The following TBC1D32 variants were observed in gnomAD, a reference collection of about 807,000 sequenced individuals.
TBC1D32 encodes the protein TBC1 domain family member 32.
In TBC1D32, 151 loss-of-function variants were observed where a neutral mutation model predicts 170.3. That is an observed-to-expected ratio of 0.89 (90% CI 0.78 to 1.01). The LOEUF is 1.01. Among genes scored for constraint, TBC1D32 ranks in the 50% least tolerant of loss-of-function variants. TBC1D32 has a pLI of 0.00. For missense variants in TBC1D32, 1,464 were observed against 1,457.1 expected, an observed-to-expected ratio of 1.00 and a Z score of -0.08; for synonymous variants, 498 against 488.0, an observed-to-expected ratio of 1.02 and a Z score of -0.27.
At chr6:121,260,485 G>A (rs568126857) in intron 15 of TBC1D32, among the ~76,000 whole-genome samples, 175 of 152,154 alleles carry the variant, frequency 1.2e-3, no homozygotes, top group African/African-American at 4.0e-3. Context: ...CTGACTAGGC[G>A]GCTGGCATGA....
intron 17 of TBC1D32, among the ~76,000 whole-genome samples, chr6:121,248,510 T>C (rs950641018): frequency 6.6e-6 from 1 of 151,206 alleles, no homozygotes; most frequent in Non-Finnish European, 1.5e-5. Context: ...ATACAAAAGA[T>C]AAATGAAGGA....
chr6:121,276,122 A>T (rs1021988385), intron 15 of TBC1D32, among the ~76,000 whole-genome samples: 28 of 147,858 alleles, frequency 1.9e-4, no homozygotes, highest in African/African-American at 7.2e-4. Context: ...CTTGTCTCAA[A>T]AAAAAAAAAA....
chr6:121,192,565 G>A (rs947553236), intron 22 of TBC1D32: 1 of 152,202 alleles, frequency 6.6e-6, no homozygotes, highest in African/African-American at 2.4e-5. Context: ...AGATGAAACT[G>A]TAGAAAAACA....
At chr6:121,291,825 C>A (rs780677779) in intron 12 of TBC1D32, among the ~76,000 whole-genome samples, 14 of 151,566 alleles carry the variant, frequency 9.2e-5, no homozygotes, top group Non-Finnish European at 1.9e-4. Flanking sequence ...ATATCTGGAT[C>A]CCTAAAGGCT....
At chr6:121,236,130 GT>G (rs35408887) in intron 20 of TBC1D32, among the ~76,000 whole-genome samples, 64,750 of 139,954 alleles carry the variant, frequency 0.46, 15,952 homozygotes, top group Non-Finnish European at 0.59. Flanking sequence ...TTTTATTTTT[GT>G]TTTTTTTTTT....
chr6:121,262,939 G>C (rs988143825), intron 15 of TBC1D32, among the ~76,000 whole-genome samples: 2 of 151,990 alleles, frequency 1.3e-5, no homozygotes, highest in South Asian at 2.1e-4. Flanking sequence ...ACTAAATAGG[G>C]AGAGGAAAAA....
At chr6:121,100,616 T>C (rs1352576501) in intron 30 of TBC1D32, among the ~76,000 whole-genome samples, 1 of 152,032 alleles carries the variant, frequency 6.6e-6, no homozygotes, top group Non-Finnish European at 1.5e-5. Flanking sequence ...TAGCACTAAA[T>C]GCCCACAAGA....
rs370027510 is a variant in TBC1D32, at chr6:121,283,870, T to C, written c.1413A>G (p.Gln471=). The change falls in exon 13 of 32, where the codon CAA becomes CAG. Residue 471 remains glutamine (Q), a synonymous_variant. Transcript: ENST00000398212. ...GACAACTTGGTGAGTAATAGATAAG[T>C]TGGGTAAAAAGAACAAGCAGATCTA... ...SLIDLLVLFT[Q]LIYYSPSCPK... 1.5e-5 allele frequency: 24 copies of C among 1,611,272 alleles called. No homozygotes were observed. In the East Asian group the frequency reaches 4.7e-4, roughly 32 times the overall value.
intron 24 of TBC1D32, among the ~76,000 whole-genome samples, chr6:121,144,968 A>G (rs1432845671): frequency 1.3e-5 from 2 of 152,212 alleles, no homozygotes; most frequent in African/African-American, 2.4e-5. Context: ...GGCAGGTTTG[A>G]GTGATACTGC....
At chr6:121,099,330 T>C (rs1163688635) in intron 30 of TBC1D32, among the ~76,000 whole-genome samples, 1 of 151,970 alleles carries the variant, frequency 6.6e-6, no homozygotes, top group African/African-American at 2.4e-5. Context: ...AATTAGAATA[T>C]GTGATTTTCT....
At chr6:121,190,334 C>T (rs893867792) in intron 22 of TBC1D32, among the ~76,000 whole-genome samples, 8 of 148,862 alleles carry the variant, frequency 5.4e-5, no homozygotes, top group African/African-American at 2.0e-4. Context: ...CTCCTCCTCT[C>T]CCTGCCCCCC....
intron 29 of TBC1D32, among the ~76,000 whole-genome samples, chr6:121,110,529 A>C (rs2128195432): frequency 6.6e-6 from 1 of 152,180 alleles, no homozygotes; most frequent in Admixed American, 6.5e-5. Context: ...TGATTACAAT[A>C]ATGTGAGGCT....
Position 121,304,346 on chromosome 6 carries a change from A to G in TBC1D32, c.935+19T>C, listed in dbSNP as rs373539131. On this transcript the variant is annotated intron_variant, in intron 8 of 31. Transcript: ENST00000398212. ...ACACCGCTAGGTTTTATGCTGGCAT[A>G]CATTGGGAGGGGACTTACTTCTCTG... The G allele has an allele frequency of 3.9e-4, 626 of 1,611,770 alleles. 2 individuals are homozygous for G. Among genetic ancestry groups the G allele is most frequent in the Middle Eastern group, 8.3e-4 (5 of 6,056 alleles).
intron 22 of TBC1D32, among the ~76,000 whole-genome samples, chr6:121,176,720 T>G (rs1449481196): frequency 1.3e-5 from 2 of 151,934 alleles, no homozygotes; most frequent in Middle Eastern, 3.2e-3. Context: ...TGCCTCAGCC[T>G]CTGGAGTAGC....
intron 22 of TBC1D32, among the ~76,000 whole-genome samples, chr6:121,161,857 T>A (rs1252969028): frequency 6.6e-6 from 1 of 152,242 alleles, no homozygotes; most frequent in East Asian, 1.9e-4. Flanking sequence ...GTTTTTTGAC[T>A]TTTTAATAAT....
At chr6:121,302,528 T>C (rs1806647618) in intron 9 of TBC1D32, among the ~76,000 whole-genome samples, 2 of 152,076 alleles carry the variant, frequency 1.3e-5, no homozygotes, top group South Asian at 4.2e-4. Flanking sequence ...TAGTAAAATA[T>C]GACTGATTTT....
intron 15 of TBC1D32, among the ~76,000 whole-genome samples, chr6:121,273,293 T>C (rs1434709897): frequency 1.3e-5 from 2 of 151,198 alleles, no homozygotes; most frequent in African/African-American, 4.9e-5. Flanking sequence ...ATATACACCA[T>C]GGAATACTAT....
chr6:121,279,945 A>T (rs1219268585), intron 14 of TBC1D32, among the ~76,000 whole-genome samples: 1 of 151,928 alleles, frequency 6.6e-6, no homozygotes, highest in Non-Finnish European at 1.5e-5. Flanking sequence ...ACCTGCATGG[A>T]TGCCAACACA....
chr6:121,159,072 G>GA (rs903501284), intron 24 of TBC1D32, among the ~76,000 whole-genome samples: 3 of 151,912 alleles, frequency 2.0e-5, no homozygotes, highest in South Asian at 2.1e-4. Flanking sequence ...CTGCCAAAAA[G>GA]AAAAAATGCT....
Sources: gnomAD v4.1 joint callset for allele counts (sites outside exome capture counted in the v4.1 genomes callset) on GRCh38, gnomAD v4.1.1 for gene constraint, MANE v1.5 for transcripts, NCBI Gene and HGNC (gene_info 2026-07-23, HGNC 2026-07-21) for gene names.